The following TECTA variants were observed in gnomAD, a reference collection of about 807,000 sequenced individuals.
TECTA encodes alpha-tectorin.
In TECTA, 128 loss-of-function variants were observed where a neutral mutation model predicts 216.8. The observed-to-expected ratio is 0.59, with a 90% CI of 0.51 to 0.68. The LOEUF is 0.68. Among genes scored for constraint, TECTA ranks in the 30% least tolerant of loss-of-function variants. TECTA has a pLI of 0.00. For missense variants in TECTA, 2,551 were observed against 2,786.2 expected (o/e 0.92, Z 1.90); for synonymous variants, 1,089 against 1,117.1 (o/e 0.97, Z 0.50).
intron 20 of TECTA, among the ~76,000 whole-genome samples, chr11:121,187,062 G>C (rs560550078): frequency 1.4e-4 from 21 of 152,332 alleles, no homozygotes; most frequent in African/African-American, 5.1e-4. Context: ...GGCATGACTA[G>C]GGGACATTTA....
chr11:121,118,292 T>A lies in TECTA; in HGVS notation c.791-14T>A. The A allele has an allele frequency of 6.2e-7, 1 of 1,614,012 alleles. No homozygotes were observed. The stretch of plus-strand genomic sequence containing the variant: ...TGCTCAGTAAATGTTGGCTCTAATG[T>A]CATTATTCCCCAGGACAATTCCTTC... On this transcript the variant is annotated splice_polypyrimidine_tract_variant and intron_variant, in intron 6 of 23. Coordinates refer to ENST00000392793, the MANE Select transcript of TECTA (RefSeq NM_005422.4).
intron 9 of TECTA, among the ~76,000 whole-genome samples, chr11:121,129,328 A>C (rs1480096945): frequency 6.6e-6 from 1 of 152,250 alleles, no homozygotes; most frequent in Non-Finnish European, 1.5e-5. Context: ...CAAAACAGAG[A>C]TGCCAGGCGG....
intron 7 of TECTA, among the ~76,000 whole-genome samples, chr11:121,120,738 C>T (rs74491080): frequency 0.025 from 3,875 of 152,318 alleles, 91 homozygotes; most frequent in Non-Finnish European, 0.032. Context: ...AAGTAAAAAT[C>T]CATCTAGAAA....
Position 121,109,372 on chromosome 11 carries a change from C to T in TECTA, c.360C>T (p.Ala120=). The change falls in exon 4 of 24, where the codon GCC becomes GCT. Residue 120 remains alanine, a synonymous_variant. Coordinates refer to ENST00000392793, the MANE Select transcript of TECTA (RefSeq NM_005422.4). ...EIYYRETMEP[A]ILKRATKDIR... is the part of the protein sequence containing the mutation. The stretch of plus-strand genomic sequence containing the variant: ...ATTACAGAGAGACCATGGAGCCTGC[C>T]ATCTTGAAAAGAGCCACCAAGGACA... 6.2e-7 allele frequency: 1 copy of T among 1,614,156 alleles called. No individual in the cohort carries two copies. Among genetic ancestry groups the T allele is most frequent in the Non-Finnish European group, 8.5e-7 (1 of 1,180,032 alleles).
chr11:121,152,616 A>G (rs539175017), intron 12 of TECTA, among the ~76,000 whole-genome samples: 3 of 152,290 alleles, frequency 2.0e-5, no homozygotes, highest in South Asian at 4.1e-4. Flanking sequence ...GAGGATCTCA[A>G]TGGCCAGGCT....
Position 121,130,186 on chromosome 11 carries a change from G to A in TECTA, c.2916G>A (p.Gly972=), listed in dbSNP as rs1027313468. 5.0e-6 allele frequency: 8 copies of A among 1,601,550 alleles called. No individual in the cohort carries two copies. The highest frequency in any genetic ancestry group is 6.8e-6 in the Non-Finnish European group (8 of 1,179,958). ...SACKNADVEV[G]PWRTYDFCPL... ...GCAAGAATGCGGACGTGGAGGTGGGGCCCTGGCGGACCTATGACTTCTGCC... is the reference window on the plus strand; with the variant it reads ...GCAAGAATGCGGACGTGGAGGTGGGACCCTGGCGGACCTATGACTTCTGCC... Residue 972 remains glycine (G), a synonymous_variant, in exon 10 of 24, where the codon GGG becomes GGA. Transcript: ENST00000392793.
Position 121,161,808 on chromosome 11 carries a change from G to A in TECTA, c.4977-267G>A, listed in dbSNP as rs633012. ...TGTTCATGCTTACTATATCAATATC[G>A]GCCTTTCATGTGGCACTTTGGCCAT... On this transcript the variant is annotated intron_variant, in intron 15 of 23. Coordinates refer to ENST00000392793, the MANE Select transcript of TECTA (RefSeq NM_005422.4). Among the ~76,000 whole-genome samples, 61,602 of 150,826 alleles carry A rather than the reference G, an allele frequency of 0.41. 13,538 individuals are homozygous for A. The highest frequency in any genetic ancestry group is 0.58 in the African/African-American group (23,643 of 41,044).
chr11:121,115,619 TTC>T (rs918092073), intron 6 of TECTA, among the ~76,000 whole-genome samples: 6 of 152,158 alleles, frequency 3.9e-5, no homozygotes, highest in African/African-American at 1.4e-4. Context: ...TCGGGGTTCT[TTC>T]TTGGCTCAGA....
At chr11:121,186,864 A>T (rs1290455018) in intron 20 of TECTA, among the ~76,000 whole-genome samples, 1 of 152,246 alleles carries the variant, frequency 6.6e-6, no homozygotes, top group Non-Finnish European at 1.5e-5. Context: ...CCTATGGGCC[A>T]GCCTTGGCTG....
chr11:121,169,415 T>C (rs573158489), intron 20 of TECTA, among the ~76,000 whole-genome samples: 1 of 152,296 alleles, frequency 6.6e-6, no homozygotes, highest in African/African-American at 2.4e-5. Flanking sequence ...GAAACAGTGA[T>C]ACACAACAAA....
rs1420458878 is a variant in TECTA at position 121,113,719 on chromosome 11, G to T, written c.790+1G>T. 13 of 1,613,314 alleles carry T rather than the reference G, an allele frequency of 8.1e-6. No homozygotes were observed. The highest frequency in any genetic ancestry group is 1.0e-5 in the Non-Finnish European group (12 of 1,179,968). On this transcript the variant is annotated splice_donor_variant, in intron 6 of 23. Transcript: ENST00000392793. LOFTEE classifies it high-confidence loss of function. The surrounding 1 kb of genome is among the most constrained non-coding windows in gnomAD (Gnocchi z 4.2). ...CCAGCCAATGGCTGCACCTCAAGGG[G>T]TAAAGCTTTTCCTCTGTCTGTGGCA...
intron 20 of TECTA, among the ~76,000 whole-genome samples, chr11:121,182,841 A>G (rs1947243880): frequency 6.6e-6 from 1 of 151,318 alleles, no homozygotes; most frequent in Admixed American, 6.6e-5. Flanking sequence ...CCTCGACAGG[A>G]TACATGGGCA....
At chr11:121,158,251 G>A in intron 14 of TECTA, 27 bp downstream of exon 14, 1 of 1,607,366 alleles carries the variant, frequency 6.2e-7, no homozygotes, top group Non-Finnish European at 8.5e-7. Context: ...CCATTCTTAA[G>A]AAGGGGCCCG....
In TECTA at chr11:121,145,856, G is replaced by T. The variant is rs374614757; in HGVS notation, c.3845G>T (p.Gly1282Val). 1.3e-5 allele frequency: 21 copies of T among 1,614,094 alleles called. No homozygotes were observed. In the African/African-American group the frequency reaches 2.1e-4, roughly 16 times the overall value. ...KRDTFCQVGC[G>V]DRCPSCAKVE... Reference sequence around the variant, plus strand: ...GACACCTTCTGCCAGGTGGGCTGTGGGGACCGCTGTCCGTCCTGTGCCAAG... The same window carrying T: ...GACACCTTCTGCCAGGTGGGCTGTGTGGACCGCTGTCCGTCCTGTGCCAAG... The change falls in exon 12 of 24, where the codon GGG becomes GTG. Residue 1282 changes from glycine (G) to valine (V), a missense_variant. This residue lies in a region of TECTA where 2,375 missense variants were observed against 2,563.9 expected (regional missense o/e 0.93). Transcript: ENST00000392793.
At position 121,125,663 on chromosome 11, in the gene TECTA, A is replaced by G; in HGVS notation, c.1565A>G (p.Asp522Gly). The change falls in exon 8 of 24, where the codon GAC becomes GGC. Residue 522 changes from aspartate (D) to glycine (G), a missense_variant. Coordinates refer to ENST00000392793, the MANE Select transcript of TECTA (RefSeq NM_005422.4). ...AATEALYFGS[D>G]YCGFLNKTDG... ...ACTGAAGCCCTCTACTTTGGCTCTG[A>G]CTACTGCGGCTTCCTCAACAAGACA... 6.2e-7 allele frequency: 1 copy of G among 1,610,552 alleles called. No individual in the cohort carries two copies. Among genetic ancestry groups the G allele is most frequent in the Non-Finnish European group, 8.5e-7 (1 of 1,176,960 alleles).
chr11:121,157,942 G>C lies in TECTA; in HGVS notation c.4407G>C (p.Glu1469Asp). The C allele has an allele frequency of 1.2e-6, 2 of 1,614,048 alleles. No homozygotes were observed. The highest frequency in any genetic ancestry group is 1.7e-6 in the Non-Finnish European group (2 of 1,180,024). Residue 1469 changes from glutamate to aspartate, a missense_variant, in exon 14 of 24, where the codon GAG becomes GAC. Coordinates refer to ENST00000392793, the MANE Select transcript of TECTA (RefSeq NM_005422.4). Reference protein sequence around the residue: ...CDPRQCKSDEECALRNGVRGC... With the variant: ...CDPRQCKSDEDCALRNGVRGC... ...CGCGCCAATGCAAGTCAGACGAGGA[G>C]TGTGCGCTGCGCAACGGGGTGCGCG... is the stretch of plus-strand genomic sequence containing the variant.
chr11:121,148,652 T>C (rs1401827164), intron 12 of TECTA, among the ~76,000 whole-genome samples: 1 of 152,164 alleles, frequency 6.6e-6, no homozygotes, highest in Non-Finnish European at 1.5e-5. Flanking sequence ...AATCTAGCAA[T>C]TGCTTGATAG....
rs1283688489 is a variant in TECTA, at chr11:121,173,258, C to T, written c.5999+4333C>T. The stretch of plus-strand genomic sequence containing the variant: ...CTTTTGGTGTTTTAGACATGAAGTC[C>T]TTGCCCATGCCTATGTCCTGAATGG... On this transcript the variant is annotated intron_variant, in intron 20 of 23. Transcript: ENST00000392793. Among the ~76,000 whole-genome samples the T allele has an allele frequency of 5.3e-5, 8 of 150,750 alleles. 1 individual carries two copies. Among genetic ancestry groups the T allele is most frequent in the South Asian group, 4.2e-4 (2 of 4,806 alleles).
intron 12 of TECTA, 32 bp from the exon 13 acceptor site, chr11:121,152,849 G>T (rs776032526): frequency 6.3e-7 from 1 of 1,577,414 alleles, no homozygotes; most frequent in Non-Finnish European, 8.7e-7. Flanking sequence ...CCTTGTGATC[G>T]TGCGAGTCTT....
Sources: gnomAD v4.1 joint callset for allele counts (sites outside exome capture counted in the v4.1 genomes callset) on GRCh38, gnomAD v4.1.1 for gene constraint, gnomAD v4.1.1 regional missense constraint, Gnocchi (gnomAD v3.1) non-coding constraint, MANE v1.5 for transcripts, NCBI Gene and HGNC (gene_info 2026-07-23, HGNC 2026-07-21) for gene names.